The following TMEM140 variants were observed in gnomAD, a reference collection of about 807,000 sequenced individuals.
TMEM140 encodes transmembrane protein 140.
For synonymous variants in TMEM140, 107 were observed against 106.8 expected (o/e 1.00, Z -0.01); for missense variants, 236 against 228.5 (o/e 1.03, Z -0.21).
Position 135,151,146 on chromosome 7 carries a change from T to C in TMEM140, c.-25+2876T>C, listed in dbSNP as rs186894179. On this transcript the variant is annotated intron_variant, in intron 1 of 1. Coordinates refer to ENST00000275767, the MANE Select transcript of TMEM140 (RefSeq NM_018295.5). The surrounding 1 kb of genome is among the most constrained non-coding windows in gnomAD (Gnocchi z 4.3). ...ATAAAGCTGTTTTATTTACATGGAA[T>C]AATTAAGTAAATCAAAACATCACAG... Among the ~76,000 whole-genome samples the C allele has an allele frequency of 6.6e-6, 1 of 152,298 alleles. No individual in the cohort carries two copies. The highest frequency in any genetic ancestry group is 2.4e-5 in the African/African-American group (1 of 41,558).
chr7:135,154,045 C>G (rs775814156), intron 1 of TMEM140, among the ~76,000 whole-genome samples: 1 of 152,080 alleles, frequency 6.6e-6, no homozygotes, highest in Non-Finnish European at 1.5e-5. Flanking sequence ...TCTATTTCTT[C>G]CTGGTTCAAT....
chr7:135,152,280 C>T (rs1296905646), intron 1 of TMEM140, among the ~76,000 whole-genome samples: 1 of 152,238 alleles, frequency 6.6e-6, no homozygotes, highest in African/African-American at 2.4e-5. Context: ...GTATTCCACA[C>T]TGTCTTCACT....
In TMEM140 at chr7:135,164,776, C is replaced by A. The variant is rs292502; in HGVS notation, c.335C>A (p.Ala112Glu). 2 of 1,614,198 alleles carry A rather than the reference C, an allele frequency of 1.2e-6. No homozygotes were observed. The highest frequency in any genetic ancestry group is 1.1e-5 in the South Asian group (1 of 91,088). ...GCCCAGTGCAACAGTGATGAGAGAG[C>A]GTGGCGGCTGGCAGTGGGCTTCCTG... The part of the protein sequence containing the change: ...LLAQCNSDER[A>E]WRLAVGFLAV... Residue 112 changes from alanine to glutamate, a missense_variant, in exon 2 of 2, where the codon GCG becomes GAG. Transcript: ENST00000275767.
chr7:135,165,174 C>G lies in TMEM140; in HGVS notation c.*175C>G. The G allele has an allele frequency of 1.5e-6, 1 of 648,520 alleles. No individual in the cohort carries two copies. 40.2% of individuals were successfully genotyped at this position (648,520 alleles called of 1,614,324 possible). On this transcript the variant is annotated 3_prime_UTR_variant, in exon 2 of 2. Coordinates refer to ENST00000275767, the MANE Select transcript of TMEM140 (RefSeq NM_018295.5). ...AGGGGCAGCAAGGGCAGCCAGGGCA[C>G]CTGTGACTTCTTAGTACAAGATTGT...
In TMEM140 at chr7:135,161,989, GCT is replaced by G. The variant is rs1241992993; in HGVS notation, c.-24-2425_-24-2424del. ...ACCCTTACTGTATTCACAGGCCCCA[GCT>G]CTCCATCAGCCAGCCTGCCCAGGTC... On this transcript the variant is annotated intron_variant, in intron 1 of 1. Coordinates refer to ENST00000275767, the MANE Select transcript of TMEM140 (RefSeq NM_018295.5). This position sits in a 1 kb window ranked among gnomAD's most constrained non-coding sequence, Gnocchi z 4.1. 6.6e-6 allele frequency among the ~76,000 whole-genome samples: 1 copy of G among 152,218 alleles called. No individual in the cohort carries two copies. Among genetic ancestry groups the G allele is most frequent in the Non-Finnish European group, 1.5e-5 (1 of 68,036 alleles).
At chr7:135,152,966 C>T (rs1829699947) in intron 1 of TMEM140, 1 of 152,090 alleles carries the variant, frequency 6.6e-6, no homozygotes, top group African/African-American at 2.4e-5. Context: ...CCAGAATCTA[C>T]AAGAACACAA....
At position 135,164,870 on chromosome 7, in the gene TMEM140, G is replaced by A. The variant is rs1447397098; in HGVS notation, c.429G>A (p.Arg143=). The A allele has an allele frequency of 6.2e-7, 1 of 1,614,078 alleles. No individual in the cohort carries two copies. The highest frequency in any genetic ancestry group is 1.3e-5 in the African/African-American group (1 of 74,946). ...TCTCCTATGTGTGGAAGTGGGTCAG[G>A]CTCTCCCTCCCGGGGCCTGGGTTTC... ...LFLSYVWKWV[R]LSLPGPGFLA... is the part of the protein sequence containing the mutation. The change falls in exon 2 of 2, where the codon AGG becomes AGA. Residue 143 remains arginine, a synonymous_variant. Transcript: ENST00000275767.
At chr7:135,152,110 T>C (rs1829678519) in intron 1 of TMEM140, among the ~76,000 whole-genome samples, 1 of 152,234 alleles carries the variant, frequency 6.6e-6, no homozygotes, top group Non-Finnish European at 1.5e-5. Context: ...TTCATTTAAT[T>C]TCCATAACAT....
At chr7:135,152,728 T>G (rs1829694701) in intron 1 of TMEM140, 1 of 152,240 alleles carries the variant, frequency 6.6e-6, no homozygotes, top group Non-Finnish European at 1.5e-5. Flanking sequence ...CCTTTGGCTT[T>G]CTGAAATCAT....
chr7:135,156,449 G>C (rs756204181), intron 1 of TMEM140, among the ~76,000 whole-genome samples: 1 of 151,748 alleles, frequency 6.6e-6, no homozygotes, highest in Non-Finnish European at 1.5e-5. Flanking sequence ...CAAAAGTCCT[G>C]TCTTCGAGTT....
chr7:135,154,213 T>C (rs1412903911), intron 1 of TMEM140, among the ~76,000 whole-genome samples: 1 of 152,196 alleles, frequency 6.6e-6, no homozygotes, highest in Non-Finnish European at 1.5e-5. Context: ...ATTTGGATCT[T>C]CTTTCTTCTT....
At chr7:135,156,411 T>C (rs1057131503) in intron 1 of TMEM140, among the ~76,000 whole-genome samples, 3 of 152,120 alleles carry the variant, frequency 2.0e-5, no homozygotes, top group Non-Finnish European at 4.4e-5. Context: ...TATCCTTTTT[T>C]CCTCATTTTT....
rs1562925821 is a variant in TMEM140 at position 135,161,136 on chromosome 7, T to C, written c.-24-3282T>C. Among the ~76,000 whole-genome samples the C allele has an allele frequency of 1.3e-5, 2 of 152,224 alleles. No individual in the cohort carries two copies. On this transcript the variant is annotated intron_variant, in intron 1 of 1. Transcript: ENST00000275767. The surrounding 1 kb of genome is among the most constrained non-coding windows in gnomAD (Gnocchi z 4.1). The stretch of plus-strand genomic sequence containing the variant: ...TATAAAAAGGTGAGAGGCCACCACC[T>C]TCTCCACATGCCTGGTCCTGGGCTT...
intron 1 of TMEM140, among the ~76,000 whole-genome samples, chr7:135,148,944 T>C (rs1377280377): frequency 6.6e-6 from 1 of 152,196 alleles, no homozygotes; most frequent in African/African-American, 2.4e-5. Context: ...TCTTCGCCTA[T>C]AAAATCAAAG....
intron 1 of TMEM140, among the ~76,000 whole-genome samples, chr7:135,157,338 C>T (rs1305461139): frequency 6.6e-6 from 1 of 152,188 alleles, no homozygotes; most frequent in Non-Finnish European, 1.5e-5. Context: ...GGCATAGGGT[C>T]AGTGTTCTCT....
At chr7:135,150,148 T>C (rs899937165) in intron 1 of TMEM140, among the ~76,000 whole-genome samples, 2 of 152,218 alleles carry the variant, frequency 1.3e-5, no homozygotes, top group Non-Finnish European at 2.9e-5. Flanking sequence ...TATTTGGGTA[T>C]GTGGAGTGAG....
intron 1 of TMEM140, among the ~76,000 whole-genome samples, chr7:135,158,764 C>T (rs1470120995): frequency 6.6e-6 from 1 of 152,222 alleles, no homozygotes; most frequent in African/African-American, 2.4e-5. Context: ...CACAGCAGGG[C>T]AGCAGACCCT....
chr7:135,157,824 G>A (rs1238555105), intron 1 of TMEM140, among the ~76,000 whole-genome samples: 1 of 152,212 alleles, frequency 6.6e-6, no homozygotes, highest in Non-Finnish European at 1.5e-5. Flanking sequence ...CTACCAGGGT[G>A]GCAGCTGCAG....
At chr7:135,153,535 A>G (rs927045649) in intron 1 of TMEM140, among the ~76,000 whole-genome samples, 1 of 151,968 alleles carries the variant, frequency 6.6e-6, no homozygotes, top group Admixed American at 6.6e-5. Context: ...GGGAATGCTT[A>G]TACATTGTTG....
Sources: gnomAD v4.1 joint callset for allele counts (sites outside exome capture counted in the v4.1 genomes callset) on GRCh38, gnomAD v4.1.1 for gene constraint, Gnocchi (gnomAD v3.1) non-coding constraint, MANE v1.5 for transcripts, NCBI Gene and HGNC (gene_info 2026-07-23, HGNC 2026-07-21) for gene names.